Variants in SLC12A8 observed in about 807,000 individuals in gnomAD.
SLC12A8 encodes the protein solute carrier family 12 member 8, also known as cation-chloride cotransporter 9.
In SLC12A8, 69 loss-of-function variants were observed where a neutral mutation model predicts 75.6. The observed-to-expected ratio is 0.91, with a 90% CI of 0.75 to 1.11. The LOEUF (loss-of-function observed/expected upper bound fraction) is 1.11, where lower values mean the gene tolerates loss of function less well. Ranked by LOEUF, SLC12A8 falls within the 50% of genes most tolerant of loss-of-function variation. The pLI, the probability that SLC12A8 is intolerant of heterozygous loss-of-function variation, is 0.00. For missense variants in SLC12A8, 877 were observed against 896.7 expected, an observed-to-expected ratio of 0.98 and a Z score of 0.28; for synonymous variants, 365 against 372.8, an observed-to-expected ratio of 0.98 and a Z score of 0.24.
At chr3:125,105,509 A>G (rs904947191) in intron 10 of SLC12A8, among the ~76,000 whole-genome samples, 2 of 152,238 alleles carry the variant, frequency 1.3e-5, no homozygotes, top group Non-Finnish European at 2.9e-5. Flanking sequence ...TTAAAGAAAA[A>G]TGATGACAGA....
chr3:125,120,965 G>A lies in SLC12A8; in HGVS notation c.737-279C>T, dbSNP rs992946536. 3 of 669,328 alleles carry A rather than the reference G, an allele frequency of 4.5e-6. 1 individual carries two copies. In the Middle Eastern group the frequency reaches 1.2e-3, roughly 257 times the overall value. 41.5% of individuals were successfully genotyped at this position (669,328 alleles called of 1,614,324 possible). A position where few individuals can be genotyped will look rare whatever the true frequency, so the allele number is the denominator to read the frequency against. ...TACCGCTCAGCGCAAAGCAACCAGGGGGGAGGAAAGCGGCTTGCAAGGCAC... is the reference window on the plus strand; with the variant it reads ...TACCGCTCAGCGCAAAGCAACCAGGAGGGAGGAAAGCGGCTTGCAAGGCAC... On this transcript the variant is annotated intron_variant, in intron 6 of 13. Coordinates refer to ENST00000469902, the MANE Select transcript of SLC12A8 (RefSeq NM_024628.6).
At chr3:125,097,770 A>G (rs1938754039) in intron 10 of SLC12A8, among the ~76,000 whole-genome samples, 1 of 152,104 alleles carries the variant, frequency 6.6e-6, no homozygotes, top group Non-Finnish European at 1.5e-5. Context: ...CAAAGTGACT[A>G]GAGGAATTTT....
At chr3:125,122,240 T>C (rs1003843690) in intron 6 of SLC12A8, among the ~76,000 whole-genome samples, 8 of 152,330 alleles carry the variant, frequency 5.3e-5, no homozygotes, top group African/African-American at 1.9e-4. Context: ...ATTAACAATG[T>C]TATTTCTGGG....
intron 5 of SLC12A8, among the ~76,000 whole-genome samples, chr3:125,177,039 G>A (rs376012067): frequency 7.9e-5 from 12 of 151,680 alleles, no homozygotes; most frequent in Admixed American, 1.3e-4. Flanking sequence ...TGTTTATTGC[G>A]GCACTGTTCA....
chr3:125,211,364 G>T lies in SLC12A8; in HGVS notation c.-15C>A, dbSNP rs375093981. The T allele has an allele frequency of 6.2e-7, 1 of 1,612,658 alleles. No homozygotes were observed. Among genetic ancestry groups the T allele is most frequent in the Non-Finnish European group, 8.5e-7 (1 of 1,178,966 alleles). Reference sequence around the variant, plus strand: ...ATCTGGGTCATTCTCCAGCAAGCAGGGATCCTGGTGATCTGGACAGGGAGA... The same window carrying T: ...ATCTGGGTCATTCTCCAGCAAGCAGTGATCCTGGTGATCTGGACAGGGAGA... On this transcript the variant is annotated 5_prime_UTR_variant, in exon 2 of 14. Coordinates refer to ENST00000469902, the MANE Select transcript of SLC12A8 (RefSeq NM_024628.6).
chr3:125,117,739 C>T (rs182469774), intron 8 of SLC12A8, among the ~76,000 whole-genome samples: 92 of 152,268 alleles, frequency 6.0e-4, no homozygotes, highest in Admixed American at 1.1e-3. Flanking sequence ...TCTCCAAGAA[C>T]TTAAAGGAGG....
intron 5 of SLC12A8, among the ~76,000 whole-genome samples, chr3:125,176,880 C>A (rs374812115): frequency 2.7e-5 from 4 of 150,676 alleles, no homozygotes; most frequent in Non-Finnish European, 3.0e-5. Context: ...GTTGGTGGGA[C>A]TGTAAACTAG....
intron 5 of SLC12A8, among the ~76,000 whole-genome samples, chr3:125,165,052 T>C (rs1271245046): frequency 6.6e-6 from 1 of 152,220 alleles, no homozygotes; most frequent in Non-Finnish European, 1.5e-5. Context: ...GCCTGGGCTT[T>C]GAAGTTACTT....
rs539905006 is a variant in SLC12A8, at chr3:125,091,292, A to C, written c.1921+147T>G. 1.5e-5 allele frequency: 9 copies of C among 610,936 alleles called. No homozygotes were observed. The Admixed American group carries it at 2.3e-4, about 15-fold the overall frequency. 37.8% of individuals were successfully genotyped at this position (610,936 alleles called of 1,614,324 possible). ...TGGTAATCATTCATGTGCTTGTCAC[A>C]GTTCTCCTCCTAGACTATAAATTAT... On this transcript the variant is annotated intron_variant, in intron 12 of 13. Coordinates refer to ENST00000469902, the MANE Select transcript of SLC12A8 (RefSeq NM_024628.6).
chr3:125,185,420 A>T (rs186941451), intron 4 of SLC12A8, among the ~76,000 whole-genome samples: 2 of 152,252 alleles, frequency 1.3e-5, no homozygotes, highest in East Asian at 3.9e-4. Flanking sequence ...AACTAAATCA[A>T]GAAGAAGTAG....
chr3:125,101,185 C>A (rs921055048), intron 10 of SLC12A8, among the ~76,000 whole-genome samples: 2 of 152,176 alleles, frequency 1.3e-5, no homozygotes, highest in African/African-American at 4.8e-5. Context: ...TTCTGACTGT[C>A]TCCTATCATG....
At position 125,107,878 on chromosome 3, in the gene SLC12A8, C is replaced by T; in HGVS notation, c.1308G>A (p.Glu436=). The T allele has an allele frequency of 6.2e-7, 1 of 1,614,210 alleles. No homozygotes were observed. Among genetic ancestry groups the T allele is most frequent in the Non-Finnish European group, 8.5e-7 (1 of 1,180,048 alleles). The change falls in exon 10 of 14, where the codon GAG becomes GAA. Residue 436 remains glutamate, a synonymous_variant. Transcript: ENST00000469902. The part of the protein sequence containing the change: ...GLHCSEHLLL[E]KAPSYGSEGP... ...CCTCAGAGCCGTAACTGGGAGCTTT[C>T]TCTAAGAGCAGGTGCTCAGAGCAGT...
At chr3:125,170,179 A>G (rs930723954) in intron 5 of SLC12A8, among the ~76,000 whole-genome samples, 10 of 152,266 alleles carry the variant, frequency 6.6e-5, no homozygotes, top group African/African-American at 2.4e-4. Context: ...AGTAACTCTT[A>G]GCTACTGTTA....
chr3:125,151,901 G>A (rs568853256), intron 5 of SLC12A8, among the ~76,000 whole-genome samples: 9 of 152,268 alleles, frequency 5.9e-5, no homozygotes, highest in East Asian at 5.8e-4. Context: ...GAGGAAATAC[G>A]TTTTATTACA....
chr3:125,135,259 C>T (rs1933457790), intron 6 of SLC12A8, among the ~76,000 whole-genome samples: 2 of 152,168 alleles, frequency 1.3e-5, no homozygotes, highest in African/African-American at 4.8e-5. Context: ...AGTTTCGATT[C>T]CAGGTATGCA....
chr3:125,159,946 G>A (rs1934132382), intron 5 of SLC12A8, among the ~76,000 whole-genome samples: 1 of 152,160 alleles, frequency 6.6e-6, no homozygotes, highest in Non-Finnish European at 1.5e-5. Context: ...AGAAGCAATG[G>A]TACTGGTAAT....
At chr3:125,107,285 A>G (rs574883415) in intron 10 of SLC12A8, among the ~76,000 whole-genome samples, 196 bp downstream of exon 10, 1 of 152,370 alleles carries the variant, frequency 6.6e-6, no homozygotes, top group East Asian at 1.9e-4. Context: ...ATTTCTGTTT[A>G]AAATTAACTA....
chr3:125,119,833 T>C (rs1933001476), intron 7 of SLC12A8: 1 of 456,580 alleles, frequency 2.2e-6, no homozygotes, highest in Non-Finnish European at 4.4e-6. Flanking sequence ...TCATTGTTTC[T>C]GGTCTCTGAT....
chr3:125,098,554 CCACACACACACA>C (rs3222429), intron 10 of SLC12A8, among the ~76,000 whole-genome samples: 46 of 144,026 alleles, frequency 3.2e-4, no homozygotes, highest in South Asian at 1.7e-3. Flanking sequence ...TGAATCTTCT[CCACACACACACA>C]CACACACACA....
Sources: gnomAD v4.1 joint callset for allele counts (sites outside exome capture counted in the v4.1 genomes callset) on GRCh38, gnomAD v4.1.1 for gene constraint, MANE v1.5 for transcripts, NCBI Gene and HGNC (gene_info 2026-07-23, HGNC 2026-07-21) for gene names.